LRRC37A2: variants seen among roughly 807,000 people sequenced by gnomAD.
LRRC37A2 encodes leucine-rich repeat-containing protein 37A2.
In LRRC37A2, 9 loss-of-function variants were observed where a neutral mutation model predicts 68.8. That is an observed-to-expected ratio of 0.13 (90% CI 0.08 to 0.23). LRRC37A2 has a LOEUF of 0.23. Among genes scored for constraint, LRRC37A2 ranks in the 10% least tolerant of loss-of-function variants. The pLI is 1.00. For synonymous variants in LRRC37A2, 63 were observed against 367.6 expected (o/e 0.17, Z 9.48); for missense variants, 168 against 950.4 (o/e 0.18, Z 10.82).
At chr17:46,894,921 C>T in the LRRC37A2 span, among the ~76,000 whole-genome samples, 27 of 152,210 alleles carry the variant, frequency 1.8e-4, no homozygotes, top group African/African-American at 6.0e-4. Context: ...CCGGAATGCA[C>T]GGGGTCATTA....
At chr17:46,825,218 G>A in the LRRC37A2 span, among the ~76,000 whole-genome samples, 4 of 152,140 alleles carry the variant, frequency 2.6e-5, no homozygotes, top group Non-Finnish European at 5.9e-5. Context: ...TGGCTGCCAC[G>A]GTTTCTCTCA....
At chr17:46,773,634 A>ACC in the LRRC37A2 span, 1 of 160,904 alleles carries the variant, frequency 6.2e-6, no homozygotes, top group South Asian at 6.1e-5. Flanking sequence ...CCCCCCACCC[A>ACC]GCCCCTCCCC....
chr17:47,029,944 T>A, the LRRC37A2 span, among the ~76,000 whole-genome samples: 1 of 151,624 alleles, frequency 6.6e-6, no homozygotes, highest in African/African-American at 2.4e-5. Flanking sequence ...GCAACTGTAA[T>A]CCTAAGTACT....
At chr17:47,000,091 TAAAATAA>T in the LRRC37A2 span, among the ~76,000 whole-genome samples, 10 of 62,612 alleles carry the variant, frequency 1.6e-4, 1 homozygote, top group African/African-American at 5.2e-4. Flanking sequence ...TAAAATAAAA[TAAAATAA>T]AATAAAATAA....
At chr17:46,780,560 G>A in the LRRC37A2 span, among the ~76,000 whole-genome samples, 23,745 of 152,182 alleles carry the variant, frequency 0.16, 3,635 homozygotes, top group East Asian at 0.5. Context: ...AGGCCGAGGC[G>A]GGAGGATCAC....
At chr17:47,005,120 C>T in the LRRC37A2 span, among the ~76,000 whole-genome samples, 147 of 152,338 alleles carry the variant, frequency 9.6e-4, no homozygotes, top group African/African-American at 2.7e-3. Flanking sequence ...CAACAGTTTC[C>T]CCTGGATCCA....
At chr17:46,846,179 G>A in the LRRC37A2 span, among the ~76,000 whole-genome samples, 3 of 152,172 alleles carry the variant, frequency 2.0e-5, no homozygotes, top group South Asian at 6.2e-4. Flanking sequence ...AAGCACTCCT[G>A]CTAGTTTCAA....
At chr17:46,961,807 A>G in the LRRC37A2 span, among the ~76,000 whole-genome samples, 1 of 152,332 alleles carries the variant, frequency 6.6e-6, no homozygotes. Context: ...AACAAAATGT[A>G]CACCCTTTAT....
At chr17:46,764,876 A>T in the LRRC37A2 span, among the ~76,000 whole-genome samples, 13 of 152,208 alleles carry the variant, frequency 8.5e-5, no homozygotes, top group Non-Finnish European at 1.5e-4. Context: ...CCCCACCTCT[A>T]GCTGAGGGCC....
chr17:46,947,974 T>C, the LRRC37A2 span, among the ~76,000 whole-genome samples: 1 of 152,234 alleles, frequency 6.6e-6, no homozygotes, highest in African/African-American at 2.4e-5. Flanking sequence ...TTCACCATGT[T>C]GGCCAGGCTG....
chr17:46,679,621 G>A, the LRRC37A2 span, among the ~76,000 whole-genome samples: 2 of 139,318 alleles, frequency 1.4e-5, no homozygotes, highest in East Asian at 4.1e-4. Flanking sequence ...GAACCCGGGA[G>A]GCGGAGATTG....
the LRRC37A2 span, among the ~76,000 whole-genome samples, chr17:46,889,760 G>C: frequency 6.6e-6 from 1 of 152,060 alleles, no homozygotes; most frequent in Non-Finnish European, 1.5e-5. Context: ...GCGGGACCTT[G>C]GACTTCTGAC....
chr17:46,862,874 G>A, the LRRC37A2 span, among the ~76,000 whole-genome samples: 1 of 152,200 alleles, frequency 6.6e-6, no homozygotes, highest in Non-Finnish European at 1.5e-5. Context: ...GTGAGCCACT[G>A]TGTACCAGGC....
At chr17:46,887,897 C>T in the LRRC37A2 span, among the ~76,000 whole-genome samples, 13 of 152,128 alleles carry the variant, frequency 8.5e-5, no homozygotes, top group East Asian at 2.5e-3. Flanking sequence ...AGTCCCTGCT[C>T]TTAAAACACA....
chr17:46,852,389 AGTGTGT>A, the LRRC37A2 span, among the ~76,000 whole-genome samples: 9,119 of 105,206 alleles, frequency 0.087, 522 homozygotes, highest in East Asian at 0.25. Context: ...GAGAGGGCCC[AGTGTGT>A]GTGTGTGTGT....
the LRRC37A2 span, among the ~76,000 whole-genome samples, chr17:47,047,705 A>G: frequency 1.3e-5 from 2 of 151,990 alleles, no homozygotes; most frequent in African/African-American, 2.4e-5. Flanking sequence ...ACAGTTTTAT[A>G]AGAGTACAAG....
chr17:46,833,302 A>T, the LRRC37A2 span: 1 of 500,654 alleles, frequency 2.0e-6, no homozygotes, highest in African/African-American at 1.9e-5. Flanking sequence ...CTAACGTCCC[A>T]CTGAAAGCAA....
the LRRC37A2 span, among the ~76,000 whole-genome samples, chr17:46,984,676 C>T: frequency 4.6e-5 from 7 of 152,322 alleles, no homozygotes; most frequent in South Asian, 2.1e-4. Flanking sequence ...AGTCCCCCTC[C>T]TCCAGATCTC....
chr17:46,793,298 A>AT, the LRRC37A2 span, among the ~76,000 whole-genome samples: 1 of 150,494 alleles, frequency 6.6e-6, no homozygotes, highest in African/African-American at 2.4e-5. Context: ...AAAAAAAAAA[A>AT]AAATGAGGGG....
Sources: allele counts gnomAD v4.1 joint callset (sites outside exome capture counted in the v4.1 genomes callset), GRCh38; gene constraint gnomAD v4.1.1; transcripts MANE v1.5; gene names NCBI Gene and HGNC (gene_info 2026-07-23, HGNC 2026-07-21).